Variants in ESYT2 observed in about 807,000 individuals in gnomAD.
ESYT2 encodes the protein extended synaptotagmin-2.
ESYT2 carries 54 observed loss-of-function variants against 107.2 expected under a neutral mutation model. That is an observed-to-expected ratio of 0.50 (90% CI 0.40 to 0.63). The LOEUF (loss-of-function observed/expected upper bound fraction) is 0.63, where lower values mean the gene tolerates loss of function less well. ESYT2 is among the 30% of genes least tolerant of loss of function. The pLI, the probability that ESYT2 is intolerant of heterozygous loss-of-function variation, is 0.00. For synonymous variants in ESYT2, 491 were observed against 434.1 expected, an observed-to-expected ratio of 1.13 and a Z score of -1.63; for missense variants, 1,020 against 1,094.5, an observed-to-expected ratio of 0.93 and a Z score of 0.96.
chr7:158,763,584 C>T (rs1318065281), intron 9 of ESYT2, among the ~76,000 whole-genome samples: 3 of 152,086 alleles, frequency 2.0e-5, no homozygotes, highest in East Asian at 3.9e-4. Context: ...TGTGAGCCAC[C>T]GCACCCAGCC....
intron 6 of ESYT2, among the ~76,000 whole-genome samples, chr7:158,776,995 G>A: frequency 6.6e-6 from 1 of 151,990 alleles, no homozygotes; most frequent in Admixed American, 6.6e-5. Flanking sequence ...TGGGACTACA[G>A]GCATACACTA....
chr7:158,804,509 CTGAGAAAAGTGAGG>C (rs1839762400), intron 1 of ESYT2, among the ~76,000 whole-genome samples: 1 of 136,208 alleles, frequency 7.3e-6, no homozygotes, highest in African/African-American at 2.9e-5. Context: ...ACCCAAACTG[CTGAGAAAAGTGAGG>C]CGCGCGACAA....
chr7:158,751,582 T>C (rs1301455710), intron 14 of ESYT2, among the ~76,000 whole-genome samples: 1 of 152,006 alleles, frequency 6.6e-6, no homozygotes, highest in Non-Finnish European at 1.5e-5. Flanking sequence ...TTTTGGAAAC[T>C]AGGTGAGCTA....
chr7:158,828,329 G>A (rs1840515094), intron 1 of ESYT2, among the ~76,000 whole-genome samples: 1 of 152,256 alleles, frequency 6.6e-6, no homozygotes, highest in African/African-American at 2.4e-5. Context: ...GCATTTCCAG[G>A]CCGGCAGGGC....
At chr7:158,774,574 C>G (rs946350135) in intron 6 of ESYT2, among the ~76,000 whole-genome samples, 2 of 152,154 alleles carry the variant, frequency 1.3e-5, no homozygotes, top group African/African-American at 2.4e-5. Flanking sequence ...TTTCTCTTTT[C>G]TCTTACACAA....
chr7:158,790,003 G>A (rs1040672637), intron 4 of ESYT2, among the ~76,000 whole-genome samples: 3 of 152,184 alleles, frequency 2.0e-5, no homozygotes, highest in Non-Finnish European at 2.9e-5. Flanking sequence ...CGACCCTCAC[G>A]AAGCCTGGTA....
chr7:158,767,006 A>G (rs1433448622), intron 8 of ESYT2, among the ~76,000 whole-genome samples: 1 of 152,240 alleles, frequency 6.6e-6, no homozygotes, highest in Non-Finnish European at 1.5e-5. Context: ...TGACATCAGT[A>G]TCTGCAACCA....
At chr7:158,764,941 A>G (rs1838099140) in intron 8 of ESYT2, 88 bp from the exon 9 acceptor site, 5 of 1,319,596 alleles carry the variant, frequency 3.8e-6, no homozygotes, top group Non-Finnish European at 5.3e-6. Context: ...CCCCGTCTCG[A>G]GAATTGGGAG....
chr7:158,741,749 G>T lies in ESYT2; in HGVS notation c.1942C>A (p.Pro648Thr). The T allele has an allele frequency of 6.2e-7, 1 of 1,614,014 alleles. No individual in the cohort carries two copies. Among genetic ancestry groups the T allele is most frequent in the Non-Finnish European group, 8.5e-7 (1 of 1,179,996 alleles). Residue 648 changes from proline to threonine, a missense_variant, in exon 18 of 23, where the codon CCA (proline) becomes ACA (threonine). Pro to Thr is a conservative substitution (Grantham distance 38). Coordinates refer to ENST00000275418, the MANE Select transcript of ESYT2 (RefSeq NM_001367773.1). ...SPGPGGSNTAPSTPVIGGSDK... is the reference protein window; with the variant it reads ...SPGPGGSNTATSTPVIGGSDK... ...CTGCCCCCAATGACTGGTGTGGATG[G>T]AGCTGTGTTGCTGCCACCAGGGCCT...
At chr7:158,783,775 A>T (rs751588868) in intron 6 of ESYT2, among the ~76,000 whole-genome samples, 4 of 152,230 alleles carry the variant, frequency 2.6e-5, no homozygotes, top group Non-Finnish European at 5.9e-5. Context: ...TGGCACCTGC[A>T]TCCCCGGTGT....
At chr7:158,793,400 G>A (rs1325055064) in intron 4 of ESYT2, among the ~76,000 whole-genome samples, 1 of 151,930 alleles carries the variant, frequency 6.6e-6, no homozygotes, top group Non-Finnish European at 1.5e-5. Context: ...AAGAATATTG[G>A]TCCATAGTTT....
At chr7:158,814,750 T>C (rs533226234) in intron 1 of ESYT2, among the ~76,000 whole-genome samples, 1 of 152,242 alleles carries the variant, frequency 6.6e-6, no homozygotes, top group Non-Finnish European at 1.5e-5. Context: ...TTTTATGGGC[T>C]GGGCCCAGCT....
intron 16 of ESYT2, among the ~76,000 whole-genome samples, chr7:158,746,764 G>A (rs1290695268): frequency 6.6e-6 from 1 of 152,172 alleles, no homozygotes; most frequent in African/African-American, 2.4e-5. Flanking sequence ...TGGGCACCGT[G>A]GCTCACAACT....
chr7:158,784,196 C>G (rs548475871), intron 6 of ESYT2, among the ~76,000 whole-genome samples: 1 of 152,212 alleles, frequency 6.6e-6, no homozygotes, highest in Non-Finnish European at 1.5e-5. Flanking sequence ...AACCACAGAT[C>G]CCAGAAAGTC....
chr7:158,788,386 T>G lies in ESYT2; in HGVS notation c.616A>C (p.Ile206Leu), dbSNP rs1839178888. 4 of 1,611,660 alleles carry G rather than the reference T, an allele frequency of 2.5e-6. No homozygotes were observed. Among genetic ancestry groups the G allele is most frequent in the Non-Finnish European group, 3.4e-6 (4 of 1,179,388 alleles). The change falls in exon 5 of 23, where the codon ATC (isoleucine) becomes CTC (leucine). Residue 206 changes from isoleucine (I) to leucine (L), a missense_variant. Transcript: ENST00000275418. ...CCAGCTCTACAAAAATATCGTTTGA[T>G]CTCCAAATCAATCTCACAATTTCCT... ...FVGNCEIDLE[I>L]KRYFCRAGVK...
chr7:158,777,447 C>T (rs1410091536), intron 6 of ESYT2, among the ~76,000 whole-genome samples: 4 of 152,102 alleles, frequency 2.6e-5, no homozygotes, highest in African/African-American at 9.7e-5. Flanking sequence ...AGGTGATTGG[C>T]GTGGGCACAG....
At position 158,735,545 on chromosome 7, in the gene ESYT2, G is replaced by A. The variant is rs1336860986; in HGVS notation, c.2463C>T (p.Asn821=). ...TGTCTTTGGACAGGAAGCCGCCACT[G>A]TTCTTCACGGCAACGTCGAGCGTTC... ...QRRTLDVAVK[N]SGGFLSKDKG... The change falls in exon 21 of 23, where the codon AAC becomes AAT. Residue 821 remains asparagine (N), a synonymous_variant. Transcript: ENST00000275418. 1.2e-6 allele frequency: 2 copies of A among 1,614,004 alleles called. No individual in the cohort carries two copies. The highest frequency in any genetic ancestry group is 8.5e-7 in the Non-Finnish European group (1 of 1,180,008).
intron 16 of ESYT2, 90 bp downstream of exon 16, chr7:158,748,104 G>T: frequency 8.7e-7 from 1 of 1,150,688 alleles, no homozygotes; most frequent in Non-Finnish European, 1.3e-6. Flanking sequence ...GGATCCCCAG[G>T]TGTATACACG....
rs1563033263 is a variant in ESYT2 at position 158,806,441 on chromosome 7, G to C, written c.331-7369C>G. ...TTCCTCTATCCATTTATTTTTTAAA[G>C]GGGTTAAGCCCCCTTTTAGTGCATG... On this transcript the variant is annotated intron_variant, in intron 1 of 22. Coordinates refer to ENST00000275418, the MANE Select transcript of ESYT2 (RefSeq NM_001367773.1). Among the ~76,000 whole-genome samples, 3 of 152,212 alleles carry C rather than the reference G, an allele frequency of 2.0e-5. No homozygotes were observed. In the South Asian group the frequency reaches 6.2e-4, roughly 32 times the overall value.
Sources: gnomAD v4.1 joint callset for allele counts (sites outside exome capture counted in the v4.1 genomes callset) on GRCh38, gnomAD v4.1.1 for gene constraint, MANE v1.5 for transcripts, NCBI Gene and HGNC (gene_info 2026-07-23, HGNC 2026-07-21) for gene names.